Variants in ABLIM1 observed in about 807,000 individuals in gnomAD.
The protein encoded by ABLIM1 is actin-binding LIM protein 1.
ABLIM1 carries 40 observed loss-of-function variants against 107.0 expected under a neutral mutation model. The observed-to-expected ratio is 0.37, with a 90% CI of 0.29 to 0.49. ABLIM1 has a LOEUF of 0.49. Ranked by LOEUF, ABLIM1 falls within the 20% of genes least tolerant of loss-of-function variation. The pLI, the probability that ABLIM1 is intolerant of heterozygous loss-of-function variation, is 0.97. For synonymous variants in ABLIM1, 357 were observed against 357.3 expected, an observed-to-expected ratio of 1.00 and a Z score of 0.01; for missense variants, 857 against 1,008.5, an observed-to-expected ratio of 0.85 and a Z score of 2.04.
At chr10:114,557,965 T>C (rs1372078624) in intron 4 of ABLIM1, among the ~76,000 whole-genome samples, 1 of 152,114 alleles carries the variant, frequency 6.6e-6, no homozygotes, top group Non-Finnish European at 1.5e-5. Flanking sequence ...CATTATACAT[T>C]GTTACATTTC....
intron 1 of ABLIM1, chr10:114,764,996 A>G (rs73357608): frequency 0.063 from 9,625 of 152,424 alleles, 1,013 homozygotes; most frequent in African/African-American, 0.22. Context: ...GACTGAGGTA[A>G]GCAGCCCCAG....
At chr10:114,743,980 C>A (rs1763325680) in intron 1 of ABLIM1, among the ~76,000 whole-genome samples, 1 of 152,202 alleles carries the variant, frequency 6.6e-6, no homozygotes, top group Admixed American at 6.5e-5. Context: ...GGAGAAGAGT[C>A]TCATTTCTGT....
chr10:114,443,145 T>C (rs1458762386), intron 17 of ABLIM1, among the ~76,000 whole-genome samples: 1 of 152,158 alleles, frequency 6.6e-6, no homozygotes, highest in African/African-American at 2.4e-5. Flanking sequence ...AATTATGCTC[T>C]AGCTCAGAAT....
chr10:114,795,035 C>CA, the ABLIM1 span, among the ~76,000 whole-genome samples: 2 of 152,052 alleles, frequency 1.3e-5, no homozygotes, highest in African/African-American at 4.8e-5. Context: ...TCTAATGAAA[C>CA]TTAAACCAAC....
At chr10:114,745,738 G>A (rs139748661) in intron 1 of ABLIM1, among the ~76,000 whole-genome samples, 6,833 of 152,264 alleles carry the variant, frequency 0.045, 221 homozygotes, top group African/African-American at 0.081. Flanking sequence ...CTACTTGGGA[G>A]GCTGAGGTAG....
intron 1 of ABLIM1, among the ~76,000 whole-genome samples, chr10:114,675,307 CAT>C (rs543732421): frequency 4.1e-4 from 62 of 152,314 alleles, no homozygotes; most frequent in East Asian, 1.4e-3. Flanking sequence ...CAAATCCCCA[CAT>C]GTTACTGGAG....
chr10:114,752,726 T>A (rs993202521), intron 1 of ABLIM1, among the ~76,000 whole-genome samples: 2 of 152,188 alleles, frequency 1.3e-5, no homozygotes, highest in Admixed American at 1.3e-4. Flanking sequence ...TTGCTGAGGA[T>A]AATGGCTTCC....
rs577692414 is a variant in ABLIM1, at chr10:114,670,014, T to A, written c.64+14276A>T. Among the ~76,000 whole-genome samples the A allele has an allele frequency of 3.3e-5, 5 of 152,306 alleles. No individual in the cohort carries two copies. In the South Asian group the frequency reaches 1.0e-3, roughly 32 times the overall value. On this transcript the variant is annotated intron_variant, in intron 1 of 23. Coordinates refer to the ABLIM1 transcript ENST00000369256. ...AAGAGCTTGTTAAGGATACAAATCATAAATGGTTTCAAATCACCATGTTAA... is the reference window on the plus strand; with the variant it reads ...AAGAGCTTGTTAAGGATACAAATCAAAAATGGTTTCAAATCACCATGTTAA...
chr10:114,651,244 T>C (rs1288253739), intron 1 of ABLIM1, among the ~76,000 whole-genome samples: 1 of 152,180 alleles, frequency 6.6e-6, no homozygotes, highest in Non-Finnish European at 1.5e-5. Flanking sequence ...CCAGGTACTA[T>C]AATGGAATAA....
intron 6 of ABLIM1, among the ~76,000 whole-genome samples, chr10:114,511,770 ATCTGTAGAGAC>A (rs1175374083): frequency 1.3e-5 from 2 of 152,200 alleles, no homozygotes; most frequent in East Asian, 3.8e-4. Flanking sequence ...CAAACAGGTC[ATCTGTAGAGAC>A]TAGTCTCAAC....
At chr10:114,624,399 C>A (rs1051250739) in intron 1 of ABLIM1, among the ~76,000 whole-genome samples, 2 of 152,202 alleles carry the variant, frequency 1.3e-5, no homozygotes, top group African/African-American at 2.4e-5. Context: ...TCTTGCAGTA[C>A]ATCTTCTGCA....
At chr10:114,600,494 C>G (rs2075873511) in intron 2 of ABLIM1, among the ~76,000 whole-genome samples, 1 of 152,116 alleles carries the variant, frequency 6.6e-6, no homozygotes. Context: ...CTGTGGACTC[C>G]AGGAAAGCAC....
intron 2 of ABLIM1, among the ~76,000 whole-genome samples, chr10:114,600,000 C>G (rs1178203941): frequency 6.6e-6 from 1 of 152,070 alleles, no homozygotes; most frequent in Non-Finnish European, 1.5e-5. Context: ...GACATACCCC[C>G]TAAGAAGCTC....
At chr10:114,489,469 C>A (rs1321397639) in intron 7 of ABLIM1, among the ~76,000 whole-genome samples, 2 of 152,176 alleles carry the variant, frequency 1.3e-5, no homozygotes, top group Non-Finnish European at 2.9e-5. Flanking sequence ...TACTTTAATC[C>A]TTATTTAACA....
chr10:114,571,468 C>T (rs897733485), intron 3 of ABLIM1, 62 bp from the exon 4 acceptor site: 190 of 1,514,920 alleles, frequency 1.3e-4, no homozygotes, highest in Non-Finnish European at 1.7e-4. Flanking sequence ...TTTCCTTATT[C>T]CTTCTGCTTG....
intron 4 of ABLIM1, among the ~76,000 whole-genome samples, chr10:114,568,781 T>C (rs549909155): frequency 1.3e-5 from 2 of 152,300 alleles, no homozygotes; most frequent in Admixed American, 1.3e-4. Flanking sequence ...GGCCCAACAA[T>C]TTGCACATAA....
chr10:114,458,852 G>A (rs543874750), intron 12 of ABLIM1, among the ~76,000 whole-genome samples: 3 of 152,274 alleles, frequency 2.0e-5, no homozygotes, highest in Middle Eastern at 6.8e-3. Flanking sequence ...AACGAAGCCC[G>A]AAACAAAGCG....
At chr10:114,723,261 G>A (rs2081889302) in intron 1 of ABLIM1, among the ~76,000 whole-genome samples, 1 of 152,146 alleles carries the variant, frequency 6.6e-6, no homozygotes, top group Admixed American at 6.6e-5. Context: ...AATGTGCAGT[G>A]GTCAGAGGAC....
At chr10:114,794,783 C>A in the ABLIM1 span, among the ~76,000 whole-genome samples, 2 of 152,154 alleles carry the variant, frequency 1.3e-5, no homozygotes, top group African/African-American at 4.8e-5. Flanking sequence ...AATTGTCTTT[C>A]TTTGACTCTC....
Sources: allele counts gnomAD v4.1 joint callset (sites outside exome capture counted in the v4.1 genomes callset), GRCh38; gene constraint gnomAD v4.1.1; transcripts MANE v1.5; gene names NCBI Gene and HGNC (gene_info 2026-07-23, HGNC 2026-07-21).